The following GRK3 variants were observed in gnomAD, a reference collection of about 807,000 sequenced individuals.
GRK3 encodes the protein G protein-coupled receptor kinase 3.
Under a neutral mutation model 95.7 loss-of-function variants are expected in GRK3, and 54 were observed. The ratio of observed to expected loss-of-function variants is 0.56; its 90% CI spans 0.45 to 0.71. GRK3 has a LOEUF of 0.71. Ranked by LOEUF, GRK3 falls within the 30% of genes least tolerant of loss-of-function variation. GRK3 has a pLI of 0.00. For synonymous variants in GRK3, 281 were observed against 290.8 expected (o/e 0.97, Z 0.34); for missense variants, 649 against 851.2 (o/e 0.76, Z 2.96).
intron 3 of GRK3, among the ~76,000 whole-genome samples, chr22:25,655,251 A>G (rs866943132): frequency 2.0e-5 from 3 of 152,194 alleles, no homozygotes; most frequent in Middle Eastern, 3.4e-3. Context: ...GTATCTTTAC[A>G]TTACTTATTA....
chr22:25,647,046 A>C (rs2146385384), intron 3 of GRK3, among the ~76,000 whole-genome samples: 1 of 151,320 alleles, frequency 6.6e-6, no homozygotes, highest in East Asian at 1.9e-4. Context: ...AAAAAAAAGA[A>C]AAAGAAAAAA....
rs143603317 is a variant in GRK3 at position 25,721,329 on chromosome 22, C to A, written c.1837C>A (p.Gln613Lys). The A allele has an allele frequency of 2.0e-5, 32 of 1,605,446 alleles. 1 individual carries two copies. The African/African-American group carries it at 4.2e-4, about 21-fold the overall frequency. ...MEQILSVEET[Q>K]IKDKKCILFR... ...ACAGATTCTCTCTGTGGAAGAAACT[C>A]AAATTAAAGACAAAAAATGCATTTT... Residue 613 changes from glutamine to lysine, a missense_variant, in exon 20 of 21, where the codon CAA becomes AAA. Transcript: ENST00000324198.
At chr22:25,715,144 G>A (rs1212760164) in intron 18 of GRK3, 1 of 152,226 alleles carries the variant, frequency 6.6e-6, no homozygotes, top group Non-Finnish European at 1.5e-5. Context: ...GACATCGGGT[G>A]TGTTAAGGGT....
chr22:25,652,287 C>T (rs999457735), intron 3 of GRK3, among the ~76,000 whole-genome samples: 9 of 151,950 alleles, frequency 5.9e-5, no homozygotes, highest in East Asian at 1.9e-4. Flanking sequence ...ACAAAACAGC[C>T]GGGTGTGGTG....
intron 2 of GRK3, among the ~76,000 whole-genome samples, chr22:25,619,650 GTTTTTTTTTTT>G (rs536273282): frequency 1.3e-4 from 14 of 107,922 alleles, no homozygotes; most frequent in African/African-American, 4.1e-4. Context: ...TACCTGGCTA[GTTTTTTTTTTT>G]TTTTTTTTTT....
intron 1 of GRK3, among the ~76,000 whole-genome samples, chr22:25,576,256 C>T (rs1013069251): frequency 3.3e-5 from 5 of 152,072 alleles, no homozygotes; most frequent in Admixed American, 6.5e-5. Context: ...GACCCACAGT[C>T]GGATGAGTCA....
chr22:25,690,607 T>C (rs1297025379), intron 12 of GRK3, among the ~76,000 whole-genome samples: 1 of 152,084 alleles, frequency 6.6e-6, no homozygotes, highest in African/African-American at 2.4e-5. Flanking sequence ...TTAGTAATGG[T>C]AGTAATAAAC....
chr22:25,709,481 A>G (rs2085327040), intron 15 of GRK3, among the ~76,000 whole-genome samples: 1 of 152,062 alleles, frequency 6.6e-6, no homozygotes, highest in Admixed American at 6.6e-5. Flanking sequence ...CATTCCTGTC[A>G]TTTTCCTATT....
intron 13 of GRK3, among the ~76,000 whole-genome samples, chr22:25,699,699 C>CTTTTTTT (rs532664312): frequency 7.7e-6 from 1 of 129,244 alleles, no homozygotes; most frequent in Non-Finnish European, 1.7e-5. Flanking sequence ...CTTTTCTTTT[C>CTTTTTTT]TTTTTTTTTT....
intron 16 of GRK3, among the ~76,000 whole-genome samples, chr22:25,710,288 G>A (rs937983970): frequency 2.6e-5 from 4 of 152,052 alleles, no homozygotes; most frequent in Admixed American, 6.5e-5. Context: ...ATATAATTGA[G>A]CCTTTTTTAG....
At chr22:25,715,858 A>G (rs1196445725) in intron 18 of GRK3, among the ~76,000 whole-genome samples, 1 of 152,216 alleles carries the variant, frequency 6.6e-6, no homozygotes, top group Non-Finnish European at 1.5e-5. Flanking sequence ...TTCCTGTGGC[A>G]TTTAAAGTGT....
intron 3 of GRK3, chr22:25,647,882 G>A: frequency 4.8e-6 from 3 of 627,688 alleles, no homozygotes; most frequent in East Asian, 3.3e-5. Context: ...AGGCCGAGTT[G>A]GGCGGATCAC....
intron 1 of GRK3, among the ~76,000 whole-genome samples, chr22:25,590,691 G>A (rs1275347398): frequency 1.3e-5 from 2 of 152,100 alleles, no homozygotes; most frequent in Non-Finnish European, 2.9e-5. Flanking sequence ...CATGGTGGTG[G>A]GCACCCACAG....
chr22:25,685,289 T>C (rs756887239), intron 10 of GRK3, 41 bp downstream of exon 10: 1 of 1,452,488 alleles, frequency 6.9e-7, no homozygotes, highest in Non-Finnish European at 9.7e-7. Context: ...TGAAAGACTT[T>C]GCCATGATGT....
chr22:25,694,892 C>G lies in GRK3; in HGVS notation c.1053-215C>G, dbSNP rs111584634. Reference sequence around the variant, plus strand: ...TTGCATTTTACATATTTATTTCATACGCTTATTTATGTTAATTCATACATG... The same window carrying G: ...TTGCATTTTACATATTTATTTCATAGGCTTATTTATGTTAATTCATACATG... On this transcript the variant is annotated intron_variant, in intron 12 of 20. Coordinates refer to ENST00000324198, the MANE Select transcript of GRK3 (RefSeq NM_005160.4). Among the ~76,000 whole-genome samples the G allele has an allele frequency of 1.8e-3, 280 of 152,290 alleles. 2 individuals carry two copies. The highest frequency in any genetic ancestry group is 6.4e-3 in the African/African-American group (264 of 41,564).
intron 20 of GRK3, 48 bp downstream of exon 20, chr22:25,721,445 C>A: frequency 9.0e-7 from 1 of 1,109,608 alleles, no homozygotes; most frequent in Non-Finnish European, 1.3e-6. Flanking sequence ...ATTAAATATT[C>A]AGCAAAGTTG....
At chr22:25,665,721 G>GT (rs1476064918) in intron 5 of GRK3, among the ~76,000 whole-genome samples, 3 of 152,064 alleles carry the variant, frequency 2.0e-5, no homozygotes, top group East Asian at 3.8e-4. Flanking sequence ...AATGACTAAA[G>GT]TATAAGTAAA....
intron 13 of GRK3, among the ~76,000 whole-genome samples, chr22:25,697,223 A>G (rs1282367348): frequency 6.6e-6 from 1 of 152,228 alleles, no homozygotes; most frequent in African/African-American, 2.4e-5. Flanking sequence ...TAAAATGGCC[A>G]TGCATATAGG....
intron 3 of GRK3, among the ~76,000 whole-genome samples, chr22:25,657,795 T>A (rs999551415): frequency 6.6e-6 from 1 of 152,112 alleles, no homozygotes; most frequent in African/African-American, 2.4e-5. Context: ...TCCTCTCCTT[T>A]TAAGACTGAT....
Sources: gnomAD v4.1 joint callset for allele counts (sites outside exome capture counted in the v4.1 genomes callset) on GRCh38, gnomAD v4.1.1 for gene constraint, MANE v1.5 for transcripts, NCBI Gene and HGNC (gene_info 2026-07-23, HGNC 2026-07-21) for gene names.